P4HA3: variants seen among roughly 807,000 people sequenced by gnomAD.
P4HA3 encodes the protein prolyl 4-hydroxylase subunit alpha 3, also known as prolyl 4-hydroxylase subunit alpha-3.
P4HA3 carries 60 observed loss-of-function variants against 66.7 expected under a neutral mutation model. The observed-to-expected ratio is 0.90, with a 90% CI of 0.73 to 1.12. P4HA3 has a LOEUF of 1.12. Among genes scored for constraint, P4HA3 ranks in the 50% most tolerant of loss-of-function variants. P4HA3 has a pLI of 0.00. For synonymous variants in P4HA3, 263 were observed against 274.6 expected (o/e 0.96, Z 0.42); for missense variants, 683 against 685.8 (o/e 1.00, Z 0.05).
At chr11:74,264,705 C>T (rs1413187395), downstream of P4HA3, among the ~76,000 whole-genome samples, 1 of 152,216 alleles carries the variant, frequency 6.6e-6, no homozygotes, top group African/African-American at 2.4e-5. Flanking sequence ...TTGATGGCAG[C>T]ATTCAGTGGT....
Position 74,299,286 on chromosome 11 carries a change from G to A in P4HA3, c.568-925C>T, listed in dbSNP as rs972487335. Among the ~76,000 whole-genome samples the A allele has an allele frequency of 2.2e-4, 34 of 152,264 alleles. 1 individual carries two copies. Among genetic ancestry groups the A allele is most frequent in the Admixed American group, 1.8e-3 (28 of 15,304 alleles). On this transcript the variant is annotated intron_variant, in intron 3 of 12. Transcript: ENST00000331597. The stretch of plus-strand genomic sequence containing the variant: ...GTGGAATTTCCTGGAAGTTGATATT[G>A]GAGACAACATGGAACTGTAAAGTTA...
intron 1 of P4HA3, among the ~76,000 whole-genome samples, chr11:74,305,069 C>T (rs528590627): frequency 6.6e-6 from 1 of 152,088 alleles, no homozygotes; most frequent in Non-Finnish European, 1.5e-5. Context: ...AGTAATGCTC[C>T]CTTGCCCACC....
At chr11:74,264,863 G>A (rs12283668), downstream of P4HA3, among the ~76,000 whole-genome samples, 3,046 of 152,216 alleles carry the variant, frequency 0.02, 109 homozygotes, top group African/African-American at 0.069. Flanking sequence ...CAGGGCCTGC[G>A]CCTGAGGATT....
intron 15 of P4HA3, chr11:74,253,355 G>A: frequency 3.6e-6 from 3 of 844,578 alleles, no homozygotes; most frequent in South Asian, 3.2e-5. Flanking sequence ...GTCCAGCTCT[G>A]GTCAGGGCTG....
At chr11:74,285,714 G>T in intron 7 of P4HA3, 95 bp downstream of exon 7, 1 of 1,309,774 alleles carries the variant, frequency 7.6e-7, no homozygotes, top group Non-Finnish European at 1.0e-6. Context: ...GCTCTTTGAG[G>T]TGTCTAGTTG....
chr11:74,277,170 T>A, intron 8 of P4HA3, 26 bp from the exon 9 acceptor site: 1 of 1,592,348 alleles, frequency 6.3e-7, no homozygotes, highest in African/African-American at 1.3e-5. Context: ...GATTGAAGCA[T>A]CAATGATCTG....
Position 74,289,133 on chromosome 11 carries a change from G to A in P4HA3, c.718-3C>T. The A allele has an allele frequency of 6.7e-7, 1 of 1,481,500 alleles. No individual in the cohort carries two copies. The highest frequency in any genetic ancestry group is 1.3e-5 in the South Asian group (1 of 79,738). The allele number at this position is 1,481,500 out of a possible 1,614,324, so 91.8% of individuals were successfully genotyped here. ...AGGGCACACGAAACATTTCCTGCCTGTTAAAAAAAAAAAAAAGAAAAGAAA... is the reference window on the plus strand; with the variant it reads ...AGGGCACACGAAACATTTCCTGCCTATTAAAAAAAAAAAAAAGAAAAGAAA... On this transcript the variant is annotated splice_region_variant and splice_polypyrimidine_tract_variant and intron_variant, in intron 4 of 12. Transcript: ENST00000331597.
rs922463181 is a variant in P4HA3 at position 74,291,003 on chromosome 11, C to G, written c.718-1873G>C. Among the ~76,000 whole-genome samples the G allele has an allele frequency of 2.6e-5, 4 of 152,248 alleles. No homozygotes were observed. The East Asian group carries it at 5.8e-4, about 22-fold the overall frequency. The stretch of plus-strand genomic sequence containing the variant: ...GAAGAAAGTCATTGGTAGCTTGATG[C>G]AGATGGCATTGAATCTATAAATTAC... On this transcript the variant is annotated intron_variant, in intron 4 of 12. Transcript: ENST00000331597.
At chr11:74,299,484 G>A (rs936531746) in intron 3 of P4HA3, among the ~76,000 whole-genome samples, 5 of 151,988 alleles carry the variant, frequency 3.3e-5, no homozygotes, top group African/African-American at 7.3e-5. Flanking sequence ...TTGTAAAAAC[G>A]TTGAGCTGAA....
intron 1 of P4HA3, 144 bp downstream of exon 1, chr11:74,311,268 C>T (rs1421136954): frequency 1.0e-6 from 1 of 979,930 alleles, no homozygotes; most frequent in East Asian, 3.2e-5. Context: ...CACAATGTCT[C>T]AGTCGCACGG....
intron 2 of P4HA3, among the ~76,000 whole-genome samples, chr11:74,303,585 C>CT (rs574985023): frequency 0.3 from 43,009 of 143,924 alleles, 6,349 homozygotes; most frequent in Non-Finnish European, 0.33. Flanking sequence ...AAAGTCAACA[C>CT]TTTTTTTTTT....
chr11:74,253,843 G>C (rs867269232), intron 15 of P4HA3: 25 of 459,350 alleles, frequency 5.4e-5, no homozygotes, highest in Middle Eastern at 5.7e-4. Context: ...AGCATCAGGC[G>C]ATACATCTGA....
chr11:74,276,270 A>G (rs769660259), intron 9 of P4HA3, among the ~76,000 whole-genome samples: 2 of 152,214 alleles, frequency 1.3e-5, no homozygotes, highest in Admixed American at 6.5e-5. Context: ...CAATACCCAT[A>G]TAACAAGTAT....
intron 15 of P4HA3, chr11:74,253,486 C>T: frequency 1.2e-6 from 2 of 1,606,756 alleles, no homozygotes; most frequent in Non-Finnish European, 1.7e-6. Flanking sequence ...TTCTGTTCTT[C>T]CACAGTGTGT....
At chr11:74,300,994 T>C (rs1591133475) in intron 3 of P4HA3, among the ~76,000 whole-genome samples, 2 of 152,108 alleles carry the variant, frequency 1.3e-5, no homozygotes, top group South Asian at 2.1e-4. Context: ...ACAGATACAA[T>C]GTGCTGAATG....
intron 5 of P4HA3, chr11:74,287,212 A>G (rs1565413790): frequency 7.8e-7 from 1 of 1,287,586 alleles, no homozygotes; most frequent in African/African-American, 1.5e-5. Context: ...GCATCTCAGA[A>G]GGAGATGCTG....
At chr11:74,259,229 A>C (rs2135694696) in intron 15 of P4HA3, among the ~76,000 whole-genome samples, 1 of 152,270 alleles carries the variant, frequency 6.6e-6, no homozygotes. Flanking sequence ...AAATACAAAA[A>C]TTAGCCGGGT....
intron 1 of P4HA3, among the ~76,000 whole-genome samples, chr11:74,305,772 T>C (rs2134830037): frequency 6.6e-6 from 1 of 152,290 alleles, no homozygotes; most frequent in East Asian, 1.9e-4. Flanking sequence ...ATTCTATACC[T>C]AAATTCAATA....
chr11:74,304,265 A>G lies in P4HA3; in HGVS notation c.343+5T>C. The G allele has an allele frequency of 6.2e-7, 1 of 1,613,336 alleles. No homozygotes were observed. The highest frequency in any genetic ancestry group is 8.5e-7 in the Non-Finnish European group (1 of 1,179,680). ...CTCTTACCCTCCAGCCCTCCTCCTC[A>G]TTACCTCGGATGTTCTCACTGGCCT... On this transcript the variant is annotated splice_donor_5th_base_variant and intron_variant, in intron 2 of 12. Coordinates refer to ENST00000331597, the MANE Select transcript of P4HA3 (RefSeq NM_182904.5).
Sources: gnomAD v4.1 joint callset for allele counts (sites outside exome capture counted in the v4.1 genomes callset) on GRCh38, gnomAD v4.1.1 for gene constraint, MANE v1.5 for transcripts, NCBI Gene and HGNC (gene_info 2026-07-23, HGNC 2026-07-21) for gene names.